The following PPP1R12B variants were observed in gnomAD, a reference collection of about 807,000 sequenced individuals.
The protein encoded by PPP1R12B is protein phosphatase 1 regulatory subunit 12B.
In PPP1R12B, 76 loss-of-function variants were observed where a neutral mutation model predicts 126.1. The observed-to-expected ratio is 0.60, with a 90% CI of 0.50 to 0.73. The LOEUF (loss-of-function observed/expected upper bound fraction) is 0.73, where lower values mean the gene tolerates loss of function less well. Ranked by LOEUF, PPP1R12B falls within the 30% of genes least tolerant of loss-of-function variation. PPP1R12B has a pLI of 0.00. For synonymous variants in PPP1R12B, 356 were observed against 434.7 expected (o/e 0.82, Z 2.25); for missense variants, 1,052 against 1,205.1 (o/e 0.87, Z 1.88).
chr1:202,471,758 G>A, intron 13 of PPP1R12B: 1 of 718,574 alleles, frequency 1.4e-6, no homozygotes. Flanking sequence ...TTTTGTTGTT[G>A]TCATTAGGTT....
chr1:202,560,867 T>A (rs1273700899), intron 19 of PPP1R12B, among the ~76,000 whole-genome samples: 1 of 152,002 alleles, frequency 6.6e-6, no homozygotes, highest in Non-Finnish European at 1.5e-5. Context: ...AGACAGAAAG[T>A]GAAGTGGGAA....
In PPP1R12B at chr1:202,468,770, A is replaced by G. The variant is rs539434283; in HGVS notation, c.1850+19599A>G. 9.9e-5 allele frequency among the ~76,000 whole-genome samples: 15 copies of G among 152,264 alleles called. No homozygotes were observed. The South Asian group carries it at 2.1e-3, about 21-fold the overall frequency. On this transcript the variant is annotated intron_variant, in intron 13 of 23. Coordinates refer to ENST00000608999, the MANE Select transcript of PPP1R12B (RefSeq NM_002481.4). ...GGAGTTCAAGACCAGCCTGGCCAAC[A>G]TGGTGAAATCCTGTCTCTACTAAAA...
chr1:202,403,616 G>C (rs1666159251), intron 1 of PPP1R12B, among the ~76,000 whole-genome samples: 2 of 152,242 alleles, frequency 1.3e-5, no homozygotes. Flanking sequence ...ACAGCTGTGA[G>C]GCTGGGCTGG....
At chr1:202,423,508 C>T (rs1230270249) in intron 3 of PPP1R12B, among the ~76,000 whole-genome samples, 1 of 152,156 alleles carries the variant, frequency 6.6e-6, no homozygotes, top group East Asian at 1.9e-4. Context: ...GCTTTTGTGC[C>T]ACAACAGCAG....
chr1:202,421,504 G>C (rs1364000656), intron 2 of PPP1R12B, among the ~76,000 whole-genome samples: 1 of 151,750 alleles, frequency 6.6e-6, no homozygotes, highest in Non-Finnish European at 1.5e-5. Flanking sequence ...GCTGGGCGTG[G>C]TGTCACATTC....
intron 18 of PPP1R12B, among the ~76,000 whole-genome samples, chr1:202,548,779 T>TCTCTCTCA (rs1685950930): frequency 2.3e-5 from 2 of 88,866 alleles, no homozygotes; most frequent in African/African-American, 9.0e-5. Context: ...GCTCGCTGTC[T>TCTCTCTCA]CTCTCTCTCT....
intron 18 of PPP1R12B, among the ~76,000 whole-genome samples, chr1:202,522,066 A>G (rs768702670): frequency 4.6e-5 from 7 of 152,232 alleles, no homozygotes; most frequent in Non-Finnish European, 7.3e-5. Context: ...CTGTAGAAAA[A>G]TAACTGTGAG....
chr1:202,359,340 GC>G (rs1657719764), intron 1 of PPP1R12B, among the ~76,000 whole-genome samples: 1 of 151,908 alleles, frequency 6.6e-6, no homozygotes, highest in South Asian at 2.1e-4. Flanking sequence ...TGTTGGCCAG[GC>G]TGGTCTCAAA....
chr1:202,380,781 A>G (rs1271951733), intron 1 of PPP1R12B, among the ~76,000 whole-genome samples: 1 of 152,208 alleles, frequency 6.6e-6, no homozygotes, highest in Non-Finnish European at 1.5e-5. Context: ...ATGATTGTGT[A>G]TATGCCTTTT....
At chr1:202,365,772 A>G (rs1659103208) in intron 1 of PPP1R12B, among the ~76,000 whole-genome samples, 1 of 152,072 alleles carries the variant, frequency 6.6e-6, no homozygotes, top group Admixed American at 6.6e-5. Context: ...TGGGAGGCTG[A>G]GGTGGGCGGA....
chr1:202,559,596 G>A (rs1338963919), intron 19 of PPP1R12B, among the ~76,000 whole-genome samples: 1 of 152,154 alleles, frequency 6.6e-6, no homozygotes, highest in African/African-American at 2.4e-5. Flanking sequence ...CCAAAAGTTG[G>A]AATCTTTCTT....
chr1:202,494,401 C>A (rs2148853905), intron 15 of PPP1R12B, among the ~76,000 whole-genome samples: 1 of 152,150 alleles, frequency 6.6e-6, no homozygotes, highest in South Asian at 2.1e-4. Flanking sequence ...AGAATTTGAA[C>A]AAAGATCTTT....
intron 18 of PPP1R12B, among the ~76,000 whole-genome samples, chr1:202,536,692 A>G (rs1210619188): frequency 6.6e-6 from 1 of 152,164 alleles, no homozygotes; most frequent in East Asian, 1.9e-4. Context: ...ACCCTTTTGC[A>G]GTAATACTTA....
intron 1 of PPP1R12B, among the ~76,000 whole-genome samples, chr1:202,350,000 C>T (rs1366194734): frequency 6.6e-6 from 1 of 152,122 alleles, no homozygotes; most frequent in East Asian, 1.9e-4. Context: ...AATGGAACTT[C>T]ATCAGTTATT....
intron 13 of PPP1R12B, among the ~76,000 whole-genome samples, chr1:202,479,607 G>GGGCT (rs1677103462): frequency 6.6e-6 from 1 of 152,194 alleles, no homozygotes; most frequent in African/African-American, 2.4e-5. Context: ...AACCACTGAA[G>GGGCT]GGCTACATTC....
intron 13 of PPP1R12B, 72 bp downstream of exon 13, chr1:202,449,243 G>C (rs1184693076): frequency 9.5e-6 from 14 of 1,466,808 alleles, no homozygotes; most frequent in South Asian, 2.8e-5. Flanking sequence ...GGCATAAAGT[G>C]TTTTTCCCAA....
At chr1:202,503,190 A>C (rs182674865) in intron 18 of PPP1R12B, among the ~76,000 whole-genome samples, 167 of 152,306 alleles carry the variant, frequency 1.1e-3, no homozygotes, top group Non-Finnish European at 1.9e-3. Context: ...AGAAGTTGTC[A>C]TATTCAGGAT....
At chr1:202,441,480 C>G (rs1347233278) in intron 11 of PPP1R12B, among the ~76,000 whole-genome samples, 1 of 151,988 alleles carries the variant, frequency 6.6e-6, no homozygotes, top group Non-Finnish European at 1.5e-5. Flanking sequence ...TGTTAGGACT[C>G]CAGAATCTCA....
intron 18 of PPP1R12B, among the ~76,000 whole-genome samples, chr1:202,556,095 C>T (rs1686902906): frequency 6.6e-6 from 1 of 152,068 alleles, no homozygotes; most frequent in South Asian, 2.1e-4. Context: ...AGGTTGGTCT[C>T]GAACTCCTGA....
Sources: gnomAD v4.1 joint callset for allele counts (sites outside exome capture counted in the v4.1 genomes callset) on GRCh38, gnomAD v4.1.1 for gene constraint, MANE v1.5 for transcripts, NCBI Gene and HGNC (gene_info 2026-07-23, HGNC 2026-07-21) for gene names.